ZNF831: variants seen among roughly 807,000 people sequenced by gnomAD.
ZNF831 encodes the protein chromosome 20 open reading frame 174.
In ZNF831, 59 loss-of-function variants were observed where a neutral mutation model predicts 95.8. The ratio of observed to expected loss-of-function variants is 0.62; its 90% CI spans 0.50 to 0.77. The LOEUF is 0.77. Among genes scored for constraint, ZNF831 ranks in the 30% least tolerant of loss-of-function variants. The pLI is 0.00. For synonymous variants in ZNF831, 961 were observed against 925.5 expected (o/e 1.04, Z -0.70); for missense variants, 2,205 against 2,164.0 (o/e 1.02, Z -0.38).
rs149091875 is a variant in ZNF831, at chr20:59,246,946, T to C, written c.4028-6032T>C. On this transcript the variant is annotated intron_variant, in intron 4 of 5. Transcript: ENST00000371030. ...CTTCTGATTATTTTTTGATTGGCATTGACATCCAACGTCTCCCATTCTCTC... is the reference window on the plus strand; with the variant it reads ...CTTCTGATTATTTTTTGATTGGCATCGACATCCAACGTCTCCCATTCTCTC... Among the ~76,000 whole-genome samples the C allele has an allele frequency of 3.5e-4, 53 of 152,352 alleles. No homozygotes were observed. In the East Asian group the frequency reaches 7.3e-3, roughly 21 times the overall value.
At chr20:59,155,225 A>G (rs933506874) in intron 2 of ZNF831, among the ~76,000 whole-genome samples, 5 of 152,216 alleles carry the variant, frequency 3.3e-5, no homozygotes, top group Non-Finnish European at 7.4e-5. Flanking sequence ...ACAAAAGACT[A>G]TAGAACAGTC....
intron 1 of ZNF831, among the ~76,000 whole-genome samples, chr20:59,130,529 C>T (rs1446803329): frequency 6.6e-6 from 1 of 152,184 alleles, no homozygotes; most frequent in Non-Finnish European, 1.5e-5. Context: ...CCCTCCCCTC[C>T]TAATGAGCAA....
chr20:59,239,964 C>G (rs371268409), intron 4 of ZNF831, among the ~76,000 whole-genome samples: 121 of 152,370 alleles, frequency 7.9e-4, no homozygotes, highest in African/African-American at 2.8e-3. Flanking sequence ...CAGCCCTGTG[C>G]TATGGTGAAC....
chr20:59,251,007 T>C (rs1420087885), intron 4 of ZNF831, among the ~76,000 whole-genome samples: 1 of 152,192 alleles, frequency 6.6e-6, no homozygotes, highest in African/African-American at 2.4e-5. Flanking sequence ...ATGGTAACTA[T>C]AGTTAATGAC....
rs376191918 is a variant in ZNF831 at position 59,191,826 on chromosome 20, A to C, written c.807A>C (p.Pro269=). ...TGAGGACCGAAGCTGCTCCCTGTCC[A>C]GGGTCCGCATTTGCCGACAGAGAGG... The part of the protein sequence containing the change: ...LDVRTEAAPC[P]GSAFADREAP... The change falls in exon 2 of 6, where the codon CCA becomes CCC. Residue 269 remains proline (P), a synonymous_variant. Transcript: ENST00000371030. The C allele has an allele frequency of 2.5e-6, 4 of 1,613,450 alleles. No individual in the cohort carries two copies. Among genetic ancestry groups the C allele is most frequent in the Non-Finnish European group, 3.4e-6 (4 of 1,179,950 alleles).
At chr20:59,128,131 A>G (rs1979235426) in intron 1 of ZNF831, among the ~76,000 whole-genome samples, 1 of 152,240 alleles carries the variant, frequency 6.6e-6, no homozygotes. Context: ...TTATGTAAGC[A>G]CATAAATGAA....
rs1457617158 is a variant in ZNF831 at position 59,255,807 on chromosome 20, C to A, written c.*1064C>A. On this transcript the variant is annotated 3_prime_UTR_variant, in exon 6 of 6. Coordinates refer to ENST00000371030, the MANE Select transcript of ZNF831 (RefSeq NM_178457.3). ...TCGGGGCTTAGTGTTACTTTGCTGT[C>A]AAATTAAATCAGCCTCTGTATTGTG... 1 of 152,070 alleles carries A rather than the reference C, an allele frequency of 6.6e-6. No homozygotes were observed. The allele number at this position is 152,070 out of a possible 1,614,324, so 9.4% of individuals were successfully genotyped here. A position where few individuals can be genotyped will look rare whatever the true frequency, so the allele number is the denominator to read the frequency against.
At chr20:59,204,671 C>G (rs1264053506) in intron 3 of ZNF831, among the ~76,000 whole-genome samples, 2 of 152,202 alleles carry the variant, frequency 1.3e-5, no homozygotes, top group Non-Finnish European at 2.9e-5. Flanking sequence ...CTGTCCTTCC[C>G]TGAGAGAGCC....
chr20:59,221,313 T>G (rs1436019821), intron 4 of ZNF831, among the ~76,000 whole-genome samples: 2 of 152,178 alleles, frequency 1.3e-5, no homozygotes, highest in Non-Finnish European at 2.9e-5. Flanking sequence ...CCTATGGTGC[T>G]CTTCCTGCCG....
At chr20:59,203,913 T>C (rs1984703261) in intron 3 of ZNF831, among the ~76,000 whole-genome samples, 1 of 152,202 alleles carries the variant, frequency 6.6e-6, no homozygotes, top group African/African-American at 2.4e-5. Context: ...ACTCACAAAA[T>C]ACCTCCCTGC....
intron 4 of ZNF831, among the ~76,000 whole-genome samples, chr20:59,250,725 T>TA (rs1221720852): frequency 6.6e-6 from 1 of 151,762 alleles, no homozygotes; most frequent in African/African-American, 2.4e-5. Context: ...CAGGATGCTA[T>TA]AAAAAAAGAA....
At chr20:59,209,326 T>C (rs930700747) in intron 4 of ZNF831, among the ~76,000 whole-genome samples, 2 of 152,212 alleles carry the variant, frequency 1.3e-5, no homozygotes, top group African/African-American at 4.8e-5. Context: ...GAGTGTTTTC[T>C]TGTTGTTCAG....
chr20:59,161,055 G>T (rs977948206), upstream of ZNF831, among the ~76,000 whole-genome samples: 2 of 152,128 alleles, frequency 1.3e-5, no homozygotes, highest in Non-Finnish European at 2.9e-5. Context: ...GAGTCTATCT[G>T]TACCATGGTG....
chr20:59,123,793 G>A (rs76379422), intron 1 of ZNF831, among the ~76,000 whole-genome samples: 18,917 of 152,168 alleles, frequency 0.12, 1,300 homozygotes, highest in Non-Finnish European at 0.14. Flanking sequence ...CAGCTGCTAA[G>A]GGATCTTGCT....
At chr20:59,218,098 T>C (rs888895703) in intron 4 of ZNF831, among the ~76,000 whole-genome samples, 1 of 152,136 alleles carries the variant, frequency 6.6e-6, no homozygotes, top group Non-Finnish European at 1.5e-5. Flanking sequence ...AGAGAGCAAA[T>C]AGTAATATGT....
intron 1 of ZNF831, among the ~76,000 whole-genome samples, chr20:59,126,532 A>G (rs1038396047): frequency 6.6e-6 from 1 of 152,048 alleles, no homozygotes; most frequent in African/African-American, 2.4e-5. Flanking sequence ...TCTTGATTCT[A>G]TACTCTCCTC....
At chr20:59,239,761 T>C (rs1321653943) in intron 4 of ZNF831, among the ~76,000 whole-genome samples, 1 of 152,134 alleles carries the variant, frequency 6.6e-6, no homozygotes, top group African/African-American at 2.4e-5. Context: ...GCCAGGCTGG[T>C]CTTGAACTCC....
intron 4 of ZNF831, among the ~76,000 whole-genome samples, chr20:59,242,320 G>A (rs1294395672): frequency 6.6e-6 from 1 of 152,140 alleles, no homozygotes; most frequent in Non-Finnish European, 1.5e-5. Context: ...CAAGAAATGG[G>A]CTGTTGTTTA....
intron 4 of ZNF831, among the ~76,000 whole-genome samples, chr20:59,219,293 G>A (rs973334958): frequency 1.3e-5 from 2 of 152,164 alleles, no homozygotes; most frequent in African/African-American, 4.8e-5. Flanking sequence ...ACAGATGAGA[G>A]TCACGTGGCC....
Sources: allele counts gnomAD v4.1 joint callset (sites outside exome capture counted in the v4.1 genomes callset), GRCh38; gene constraint gnomAD v4.1.1; transcripts MANE v1.5; gene names NCBI Gene and HGNC (gene_info 2026-07-23, HGNC 2026-07-21).